TTC12: variants seen among roughly 807,000 people sequenced by gnomAD.
TTC12 encodes the protein tetratricopeptide repeat protein 12.
Under a neutral mutation model 90.1 loss-of-function variants are expected in TTC12, and 70 were observed. That is an observed-to-expected ratio of 0.78 (90% CI 0.64 to 0.95). The LOEUF is 0.95. Ranked by LOEUF, TTC12 falls within the 40% of genes least tolerant of loss-of-function variation. The pLI is 0.00. For synonymous variants in TTC12, 296 were observed against 311.5 expected, an observed-to-expected ratio of 0.95 and a Z score of 0.53; for missense variants, 819 against 846.1, an observed-to-expected ratio of 0.97 and a Z score of 0.40.
intron 13 of TTC12, among the ~76,000 whole-genome samples, chr11:113,347,953 T>C (rs1949065299): frequency 6.6e-6 from 1 of 152,200 alleles, no homozygotes; most frequent in Non-Finnish European, 1.5e-5. Flanking sequence ...GACACCATCC[T>C]TCCTGGCCCC....
chr11:113,339,149 C>T (rs921626316), intron 9 of TTC12, 137 bp from the exon 10 acceptor site: 9 of 726,698 alleles, frequency 1.2e-5, no homozygotes, highest in South Asian at 4.3e-5. Flanking sequence ...TCCTTGCTAA[C>T]GAAGAGTTTT....
chr11:113,334,524 ACT>A (rs1948240715), intron 7 of TTC12, among the ~76,000 whole-genome samples: 1 of 151,884 alleles, frequency 6.6e-6, no homozygotes, highest in Non-Finnish European at 1.5e-5. Context: ...TAAACCAGTG[ACT>A]CTCAAACTTG....
chr11:113,350,148 C>T lies in TTC12; in HGVS notation c.1230C>T (p.Asp410=). The change falls in exon 14 of 22, where the codon GAC becomes GAT. Residue 410 remains aspartate, a synonymous_variant. Coordinates refer to ENST00000529221, the MANE Select transcript of TTC12 (RefSeq NM_017868.4). ...ACACTGCTATGGGACTGTTCACAGA[C>T]TTGGCTCTGGAAGAAAGGTAATTTT... is the stretch of plus-strand genomic sequence containing the variant. ...EANTAMGLFT[D]LALEERFQVW... 6.2e-7 allele frequency: 1 copy of T among 1,612,462 alleles called. No homozygotes were observed. Among genetic ancestry groups the T allele is most frequent in the Non-Finnish European group, 8.5e-7 (1 of 1,178,730 alleles).
At chr11:113,318,034 A>G (rs576173831) in intron 2 of TTC12, among the ~76,000 whole-genome samples, 4 of 152,312 alleles carry the variant, frequency 2.6e-5, no homozygotes, top group Non-Finnish European at 5.9e-5. Flanking sequence ...CAGGTTTGAA[A>G]TGCGGCTTGT....
At chr11:113,323,486 T>TCCACC in intron 3 of TTC12, 35 bp downstream of exon 3, 1 of 1,461,624 alleles carries the variant, frequency 6.8e-7, no homozygotes, top group Non-Finnish European at 9.1e-7. Context: ...TATAAGTACT[T>TCCACC]ACAGTGAGAA....
At chr11:113,367,366 A>C (rs772498481), downstream of TTC12, among the ~76,000 whole-genome samples, 6 of 152,280 alleles carry the variant, frequency 3.9e-5, no homozygotes, top group Middle Eastern at 3.4e-3. Context: ...TACCTGCCCA[A>C]CCTACCTCCT....
chr11:113,329,735 C>G, intron 6 of TTC12, 185 bp from the exon 7 acceptor site: 2 of 664,062 alleles, frequency 3.0e-6, no homozygotes, highest in Middle Eastern at 2.4e-4. Flanking sequence ...GGAAGAGGTC[C>G]CTGTATTCAA....
intron 7 of TTC12, among the ~76,000 whole-genome samples, chr11:113,333,680 G>A (rs1276013061): frequency 1.3e-5 from 2 of 152,074 alleles, no homozygotes; most frequent in Non-Finnish European, 2.9e-5. Context: ...ATAAAGCTCA[G>A]TGCCTGGCAC....
intron 13 of TTC12, among the ~76,000 whole-genome samples, chr11:113,346,886 A>G (rs552746822): frequency 6.6e-6 from 1 of 152,244 alleles, no homozygotes; most frequent in Admixed American, 6.5e-5. Flanking sequence ...CCTTGCATTT[A>G]TTAGTTACAT....
intron 7 of TTC12, among the ~76,000 whole-genome samples, chr11:113,334,214 A>C (rs781863002): frequency 6.6e-6 from 1 of 152,252 alleles, no homozygotes; most frequent in Non-Finnish European, 1.5e-5. Context: ...AAAGAAGTTC[A>C]ATAAATGTTC....
At chr11:113,358,731 G>A (rs1949757976) in intron 16 of TTC12, among the ~76,000 whole-genome samples, 1 of 152,146 alleles carries the variant, frequency 6.6e-6, no homozygotes, top group Admixed American at 6.5e-5. Context: ...TCTCTAAGCA[G>A]CTCTCCCTGA....
chr11:113,318,557 C>T (rs1555136804), intron 2 of TTC12, among the ~76,000 whole-genome samples: 2 of 152,182 alleles, frequency 1.3e-5, no homozygotes. Context: ...TTTAAAGGCC[C>T]TATCTACAAA....
At chr11:113,356,320 C>A (rs1038113913) in intron 16 of TTC12, among the ~76,000 whole-genome samples, 1 of 152,020 alleles carries the variant, frequency 6.6e-6, no homozygotes, top group Non-Finnish European at 1.5e-5. Flanking sequence ...TGTTATTTTG[C>A]CTATGTGTGT....
intron 16 of TTC12, among the ~76,000 whole-genome samples, chr11:113,358,718 A>G (rs569249051): frequency 4.5e-4 from 68 of 151,952 alleles, no homozygotes; most frequent in Non-Finnish European, 8.1e-4. Context: ...CACCCCTACC[A>G]CTTCTCTAAG....
rs531688354 is a variant in TTC12, at chr11:113,329,843, G to A, written c.445-77G>A. On this transcript the variant is annotated intron_variant, in intron 6 of 21. Transcript: ENST00000529221. The stretch of plus-strand genomic sequence containing the variant: ...AGTTCTCGCTGACATTCTACTGTTC[G>A]AATGTTCTTTCTGTGTGAACTGAAA... 36 of 1,219,582 alleles carry A rather than the reference G, an allele frequency of 3.0e-5. No homozygotes were observed. The African/African-American group carries it at 4.9e-4, about 17-fold the overall frequency. 75.5% of individuals were successfully genotyped at this position (1,219,582 alleles called of 1,614,324 possible).
chr11:113,373,289 G>A, exon 22 of TTC12: 1 of 924,830 alleles, frequency 1.1e-6, no homozygotes, highest in Non-Finnish European at 1.3e-6. Flanking sequence ...TGACTTCATT[G>A]TTATGAAATT....
chr11:113,314,982 G>C (rs1181765696), intron 1 of TTC12: 1 of 146,754 alleles, frequency 6.8e-6, no homozygotes, highest in Non-Finnish European at 1.5e-5. Context: ...GCGTAGGGGG[G>C]CACTGGCCAG....
intron 2 of TTC12, among the ~76,000 whole-genome samples, chr11:113,321,797 T>C (rs557476437): frequency 1.6e-4 from 25 of 152,290 alleles, no homozygotes; most frequent in South Asian, 1.4e-3. Context: ...AAGACACACT[T>C]ACCCGGGTTG....
downstream of TTC12, chr11:113,368,319 A>G (rs1284717626): frequency 1.3e-6 from 2 of 1,539,728 alleles, no homozygotes; most frequent in Non-Finnish European, 1.8e-6. Context: ...CACCCCCGCC[A>G]CCGCCCCAAA....
Sources: gnomAD v4.1 joint callset for allele counts (sites outside exome capture counted in the v4.1 genomes callset) on GRCh38, gnomAD v4.1.1 for gene constraint, MANE v1.5 for transcripts, NCBI Gene and HGNC (gene_info 2026-07-23, HGNC 2026-07-21) for gene names.